The following CYYR1 variants were observed in gnomAD, a reference collection of about 807,000 sequenced individuals.
The protein encoded by CYYR1 is cysteine and tyrosine rich 1, also known as cysteine and tyrosine-rich protein 1.
A neutral mutation model predicts 15.2 loss-of-function variants in CYYR1; 14 were observed. The observed-to-expected ratio is 0.92, with a 90% confidence interval of 0.61 to 1.44. CYYR1 has a LOEUF of 1.44. CYYR1 is among the 40% of genes most tolerant of loss of function. CYYR1 has a pLI of 0.00. For synonymous variants in CYYR1, 80 were observed against 77.4 expected, an observed-to-expected ratio of 1.03 and a Z score of -0.18; for missense variants, 228 against 209.5, an observed-to-expected ratio of 1.09 and a Z score of -0.54.
chr21:26,517,403 T>C (rs2065746315), intron 2 of CYYR1, among the ~76,000 whole-genome samples: 1 of 152,146 alleles, frequency 6.6e-6, no homozygotes, highest in East Asian at 1.9e-4. Flanking sequence ...GAAAGAAAAA[T>C]GTAGCAGAAA....
intron 2 of CYYR1, among the ~76,000 whole-genome samples, chr21:26,515,157 G>A (rs2065708808): frequency 6.6e-6 from 1 of 152,120 alleles, no homozygotes; most frequent in African/African-American, 2.4e-5. Context: ...GAACATACTA[G>A]TTGCCCTAGG....
At chr21:26,563,746 G>A (rs1265254129) in intron 2 of CYYR1, among the ~76,000 whole-genome samples, 1 of 152,166 alleles carries the variant, frequency 6.6e-6, no homozygotes, top group East Asian at 1.9e-4. Flanking sequence ...CAACTCTGAT[G>A]ATTTCAGCTG....
chr21:26,481,449 T>C (rs1049094922), intron 2 of CYYR1, among the ~76,000 whole-genome samples: 2 of 152,170 alleles, frequency 1.3e-5, no homozygotes, highest in Admixed American at 6.5e-5. Context: ...ATGTTTATGA[T>C]ACATGGTTAA....
intron 2 of CYYR1, among the ~76,000 whole-genome samples, chr21:26,519,677 G>T (rs542003790): frequency 6.6e-6 from 1 of 152,196 alleles, no homozygotes; most frequent in East Asian, 1.9e-4. Context: ...CTGGTTGCTG[G>T]GCTGAGAACA....
chr21:26,515,023 T>C (rs1024706004), intron 2 of CYYR1, among the ~76,000 whole-genome samples: 1 of 152,256 alleles, frequency 6.6e-6, no homozygotes, highest in Non-Finnish European at 1.5e-5. Context: ...TAGTACTATC[T>C]TTTCTCCCCA....
intron 3 of CYYR1, among the ~76,000 whole-genome samples, chr21:26,478,316 C>T (rs2065129052): frequency 6.6e-6 from 1 of 152,064 alleles, no homozygotes; most frequent in South Asian, 2.1e-4. Context: ...AGACTCCATT[C>T]AGGAGGTGAC....
chr21:26,495,012 G>T (rs150031940), intron 2 of CYYR1, among the ~76,000 whole-genome samples: 1 of 152,216 alleles, frequency 6.6e-6, no homozygotes, highest in Admixed American at 6.5e-5. Flanking sequence ...TCATGTACCA[G>T]GACAGGCAAA....
intron 2 of CYYR1, among the ~76,000 whole-genome samples, chr21:26,502,797 A>AC (rs138442471): frequency 0.02 from 3,011 of 152,116 alleles, 112 homozygotes; most frequent in African/African-American, 0.07. Flanking sequence ...TGGAGAAGAG[A>AC]TTTTTTAAAA....
At chr21:26,515,670 T>C (rs1246808487) in intron 2 of CYYR1, among the ~76,000 whole-genome samples, 1 of 152,160 alleles carries the variant, frequency 6.6e-6, no homozygotes, top group Non-Finnish European at 1.5e-5. Flanking sequence ...TCATGGAGCA[T>C]TGATATGGTT....
chr21:26,488,857 G>A (rs909304167), intron 2 of CYYR1, among the ~76,000 whole-genome samples: 3 of 152,092 alleles, frequency 2.0e-5, no homozygotes, highest in African/African-American at 7.2e-5. Flanking sequence ...ACAACATGGA[G>A]ATGCTGTATC....
chr21:26,552,518 T>C (rs1243792752), intron 2 of CYYR1, among the ~76,000 whole-genome samples: 1 of 152,142 alleles, frequency 6.6e-6, no homozygotes, highest in Non-Finnish European at 1.5e-5. Context: ...TGTGATTTGC[T>C]TTCTGTTTGT....
At chr21:26,531,788 C>T (rs991400468) in intron 2 of CYYR1, among the ~76,000 whole-genome samples, 60 of 152,076 alleles carry the variant, frequency 3.9e-4, no homozygotes, top group African/African-American at 1.4e-3. Context: ...ATCCTTAGAT[C>T]GATAAAGAGT....
intron 3 of CYYR1, among the ~76,000 whole-genome samples, chr21:26,473,096 A>T (rs1232751671): frequency 6.6e-6 from 1 of 152,156 alleles, no homozygotes. Flanking sequence ...TTCTATTCCA[A>T]TGACCAAGGT....
At chr21:26,470,027 T>G (rs2065015561) in intron 3 of CYYR1, among the ~76,000 whole-genome samples, 1 of 152,122 alleles carries the variant, frequency 6.6e-6, no homozygotes, top group East Asian at 1.9e-4. Context: ...TGATGCTGCT[T>G]GGAAACTGAC....
Position 26,566,379 on chromosome 21 carries a change from A to G in CYYR1, c.74-11T>C. 1 of 1,600,366 alleles carries G rather than the reference A, an allele frequency of 6.2e-7. No homozygotes were observed. Among genetic ancestry groups the G allele is most frequent in the African/African-American group, 1.3e-5 (1 of 74,702 alleles). On this transcript the variant is annotated splice_polypyrimidine_tract_variant and intron_variant, in intron 1 of 3. Transcript: ENST00000652641. ...GAGCAAGGCAATCATCTACAAAACA[A>G]AAACCACTTGTGAGCAGTTATAGTT...
chr21:26,559,377 A>T (rs1198748857), intron 2 of CYYR1, among the ~76,000 whole-genome samples: 1 of 152,092 alleles, frequency 6.6e-6, no homozygotes, highest in Non-Finnish European at 1.5e-5. Context: ...TTTGCCTTAC[A>T]TTTTTATCTA....
At chr21:26,513,525 A>G (rs916084035) in intron 2 of CYYR1, among the ~76,000 whole-genome samples, 3 of 152,144 alleles carry the variant, frequency 2.0e-5, no homozygotes, top group Non-Finnish European at 4.4e-5. Flanking sequence ...AGTTCCATAA[A>G]AAGCAAGGTT....
intron 2 of CYYR1, among the ~76,000 whole-genome samples, chr21:26,540,507 C>T (rs758717277): frequency 2.0e-5 from 3 of 152,088 alleles, no homozygotes; most frequent in Non-Finnish European, 4.4e-5. Flanking sequence ...TAGAGCATCA[C>T]ATTTTGCACA....
At chr21:26,475,118 G>A (rs1339951990) in intron 3 of CYYR1, among the ~76,000 whole-genome samples, 1 of 152,144 alleles carries the variant, frequency 6.6e-6, no homozygotes, top group East Asian at 1.9e-4. Context: ...ATTTTCATAA[G>A]TGTTGTGGTC....
Sources: gnomAD v4.1 joint callset for allele counts (sites outside exome capture counted in the v4.1 genomes callset) on GRCh38, gnomAD v4.1.1 for gene constraint, MANE v1.5 for transcripts, NCBI Gene and HGNC (gene_info 2026-07-23, HGNC 2026-07-21) for gene names.